CSMD2: variants seen among roughly 807,000 people sequenced by gnomAD.
CSMD2 encodes CUB and Sushi multiple domains 2, also known as CUB and sushi domain-containing protein 2.
In CSMD2, 130 loss-of-function variants were observed where a neutral mutation model predicts 398.5. The ratio of observed to expected loss-of-function variants is 0.33; its 90% CI spans 0.28 to 0.38. The LOEUF is 0.38. Ranked by LOEUF, CSMD2 falls within the 10% of genes least tolerant of loss-of-function variation. CSMD2 has a pLI of 1.00. For synonymous variants in CSMD2, 1,828 were observed against 1,908.5 expected (o/e 0.96, Z 1.10); for missense variants, 3,829 against 4,764.9 (o/e 0.80, Z 5.78).
intron 3 of CSMD2, among the ~76,000 whole-genome samples, chr1:33,957,232 C>T (rs1281456048): frequency 2.0e-5 from 3 of 152,160 alleles, no homozygotes; most frequent in African/African-American, 7.2e-5. Context: ...AAGCAGGGAG[C>T]CTCTCTGACT....
At position 33,519,943 on chromosome 1, in the gene CSMD2, C is replaced by T; in HGVS notation, c.10605G>A (p.Arg3535=). ...TGGACTCGGGGTCTGACTCCAGCAGCCTGAGGTCTGTAAAGTCCCAAAGCA... is the reference window on the plus strand; with the variant it reads ...TGGACTCGGGGTCTGACTCCAGCAGTCTGAGGTCTGTAAAGTCCCAAAGCA... ...GQFGFQRLDL[R]LLESDPESIG... is the part of the protein sequence containing the mutation. Residue 3535 remains arginine, a synonymous_variant, in exon 69 of 71, where the codon AGG becomes AGA. Coordinates refer to ENST00000373381, the MANE Select transcript of CSMD2 (RefSeq NM_001281956.2). The surrounding 1 kb of genome is among the most constrained non-coding windows in gnomAD (Gnocchi z 5.6). The T allele has an allele frequency of 1.2e-6, 2 of 1,614,142 alleles. No homozygotes were observed. Among genetic ancestry groups the T allele is most frequent in the Admixed American group, 3.3e-5 (2 of 60,024 alleles).
chr1:33,811,725 G>A (rs1656893079), intron 9 of CSMD2, among the ~76,000 whole-genome samples: 1 of 152,170 alleles, frequency 6.6e-6, no homozygotes, highest in Non-Finnish European at 1.5e-5. Context: ...TAACAGTTAA[G>A]GTACTACGTT....
intron 27 of CSMD2, among the ~76,000 whole-genome samples, chr1:33,656,453 C>T (rs929061924): frequency 9.2e-5 from 14 of 152,228 alleles, no homozygotes; most frequent in Admixed American, 9.2e-4. Flanking sequence ...CATACCTATG[C>T]GGCTCCTAAT....
rs115407370 is a variant in CSMD2 at position 33,709,569 on chromosome 1, C to T, written c.3407-311G>A. Reference sequence around the variant, plus strand: ...CAATTTCTCAGTGCTATAAAGCAGCCGTGCCACATACCTATTCATATAGTA... The same window carrying T: ...CAATTTCTCAGTGCTATAAAGCAGCTGTGCCACATACCTATTCATATAGTA... On this transcript the variant is annotated intron_variant, in intron 21 of 70. Coordinates refer to ENST00000373381, the MANE Select transcript of CSMD2 (RefSeq NM_001281956.2). 1.1e-3 allele frequency: 472 copies of T among 448,212 alleles called. 3 individuals carry two copies. The highest frequency in any genetic ancestry group is 8.8e-3 in the African/African-American group (444 of 50,634). 27.8% of individuals were successfully genotyped at this position (448,212 alleles called of 1,614,324 possible). A position where few individuals can be genotyped will look rare whatever the true frequency, so the allele number is the denominator to read the frequency against.
chr1:33,647,957 T>C (rs564517978), intron 28 of CSMD2, among the ~76,000 whole-genome samples: 2 of 152,336 alleles, frequency 1.3e-5, no homozygotes, highest in East Asian at 1.9e-4. Context: ...GCCAACACCA[T>C]AGACATCTCG....
chr1:33,686,748 C>T (rs1390300036), intron 25 of CSMD2, among the ~76,000 whole-genome samples: 1 of 152,222 alleles, frequency 6.6e-6, no homozygotes, highest in Non-Finnish European at 1.5e-5. Flanking sequence ...CTTCTCCTGT[C>T]TGTGCCCCTG....
rs140270097 is a variant in CSMD2 at position 34,084,269 on chromosome 1, G to T, written c.404+4708C>A. 2.6e-5 allele frequency among the ~76,000 whole-genome samples: 4 copies of T among 152,280 alleles called. No individual in the cohort carries two copies. In the East Asian group the frequency reaches 7.7e-4, roughly 29 times the overall value. On this transcript the variant is annotated intron_variant, in intron 2 of 70. Transcript: ENST00000373381. ...TGGAAACTCCCACCCTTCCATGCTAGAACACAGGCCAGACCAGTCTCTGCT... is the reference window on the plus strand; with the variant it reads ...TGGAAACTCCCACCCTTCCATGCTATAACACAGGCCAGACCAGTCTCTGCT...
chr1:33,994,611 T>C (rs1646668032), intron 3 of CSMD2, among the ~76,000 whole-genome samples: 1 of 152,190 alleles, frequency 6.6e-6, no homozygotes, highest in Non-Finnish European at 1.5e-5. Flanking sequence ...AGATATTCCA[T>C]AAATATTCAT....
At chr1:33,594,044 TATAAA>T (rs1216172388) in intron 44 of CSMD2, among the ~76,000 whole-genome samples, 2 of 152,216 alleles carry the variant, frequency 1.3e-5, no homozygotes, top group Non-Finnish European at 2.9e-5. Flanking sequence ...CATTTATTAA[TATAAA>T]ATAATTATTT....
intron 25 of CSMD2, among the ~76,000 whole-genome samples, chr1:33,682,738 G>T (rs1003889722): frequency 6.6e-6 from 1 of 152,052 alleles, no homozygotes; most frequent in Non-Finnish European, 1.5e-5. Context: ...TATACCCTTG[G>T]TCTGCTCTAG....
At chr1:34,131,412 A>G (rs1219642484) in intron 1 of CSMD2, among the ~76,000 whole-genome samples, 1 of 152,168 alleles carries the variant, frequency 6.6e-6, no homozygotes, top group African/African-American at 2.4e-5. Context: ...AGTTACTTAC[A>G]CAGGCCAGCC....
At chr1:34,080,613 A>G (rs1374325608) in intron 2 of CSMD2, among the ~76,000 whole-genome samples, 1 of 152,136 alleles carries the variant, frequency 6.6e-6, no homozygotes, top group Non-Finnish European at 1.5e-5. Flanking sequence ...GAAAGAACAA[A>G]ATTGCAATTA....
intron 2 of CSMD2, among the ~76,000 whole-genome samples, chr1:34,046,562 G>A (rs918452806): frequency 8.5e-5 from 13 of 152,072 alleles, no homozygotes; most frequent in African/African-American, 2.9e-4. Context: ...TGGATCCAGC[G>A]TACCCCACAC....
At chr1:34,004,881 G>A (rs1164091379) in intron 3 of CSMD2, among the ~76,000 whole-genome samples, 2 of 152,082 alleles carry the variant, frequency 1.3e-5, no homozygotes, top group African/African-American at 4.8e-5. Context: ...TCTGGCTCTG[G>A]ACTTGCCAAT....
intron 44 of CSMD2, 171 bp downstream of exon 44, chr1:33,600,694 T>G (rs1341095645): frequency 1.7e-5 from 11 of 661,804 alleles, no homozygotes; most frequent in Non-Finnish European, 2.8e-5. Flanking sequence ...CACTGAGAGC[T>G]CTCACATAGG....
At chr1:33,920,523 T>C (rs1332217816) in intron 4 of CSMD2, among the ~76,000 whole-genome samples, 2 of 100,050 alleles carry the variant, frequency 2.0e-5, no homozygotes, top group African/African-American at 3.7e-5. Context: ...GCCAGGGCAA[T>C]AAGAGCGACA....
intron 25 of CSMD2, among the ~76,000 whole-genome samples, chr1:33,671,033 G>A (rs1459169904): frequency 2.0e-5 from 3 of 152,182 alleles, no homozygotes; most frequent in African/African-American, 7.2e-5. Flanking sequence ...AATAGGGTAT[G>A]CAAAGACACA....
intron 9 of CSMD2, among the ~76,000 whole-genome samples, chr1:33,816,423 C>A (rs1448023772): frequency 1.3e-5 from 2 of 152,034 alleles, no homozygotes; most frequent in Non-Finnish European, 2.9e-5. Context: ...CCAGGGGTAC[C>A]AGGACTCAAA....
chr1:33,862,341 C>CTGTGTGTG (rs1491541831), intron 5 of CSMD2: 8 of 60,644 alleles, frequency 1.3e-4, no homozygotes, highest in Admixed American at 9.4e-4. Flanking sequence ...AGATAAGCTA[C>CTGTGTGTG]TCTGTGTGTG....
Sources: allele counts gnomAD v4.1 joint callset (sites outside exome capture counted in the v4.1 genomes callset), GRCh38; gene constraint gnomAD v4.1.1; non-coding constraint Gnocchi (gnomAD v3.1); transcripts MANE v1.5; gene names NCBI Gene and HGNC (gene_info 2026-07-23, HGNC 2026-07-21).